FAAH: variants seen among roughly 807,000 people sequenced by gnomAD.
FAAH encodes the protein fatty-acid amide hydrolase 1.
FAAH carries 63 observed loss-of-function variants against 69.7 expected under a neutral mutation model. The ratio of observed to expected loss-of-function variants is 0.90; its 90% CI spans 0.74 to 1.12. The LOEUF is 1.12. FAAH is among the 50% of genes most tolerant of loss of function. The pLI is 0.00. For synonymous variants in FAAH, 305 were observed against 324.2 expected, an observed-to-expected ratio of 0.94 and a Z score of 0.64; for missense variants, 680 against 755.0, an observed-to-expected ratio of 0.90 and a Z score of 1.16.
chr1:46,411,033 C>A lies in FAAH; in HGVS notation c.1316+179C>A, dbSNP rs1664903716. The A allele has an allele frequency of 6.6e-6, 5 of 759,732 alleles. No homozygotes were observed. Among genetic ancestry groups the A allele is most frequent in the South Asian group, 1.5e-5 (1 of 67,726 alleles). The allele number at this position is 759,732 out of a possible 1,614,324, so 47.1% of individuals were successfully genotyped here. A position where few individuals can be genotyped will look rare whatever the true frequency, so the allele number is the denominator to read the frequency against. Reference sequence around the variant, plus strand: ...GACTTTGAAGTTGTCTTGGCAAGGTCCAGTTCTGGCTGGAGAGCAAAGGCC... The same window carrying A: ...GACTTTGAAGTTGTCTTGGCAAGGTACAGTTCTGGCTGGAGAGCAAAGGCC... On this transcript the variant is annotated intron_variant, in intron 11 of 14. Coordinates refer to ENST00000243167, the MANE Select transcript of FAAH (RefSeq NM_001441.3). The surrounding 1 kb of genome is among the most constrained non-coding windows in gnomAD (Gnocchi z 4.8).
rs868370010 is a variant in FAAH, at chr1:46,405,889, G to A, written c.785+95G>A. ...GCTCCAGGCGGGGATTCGGTCTCCG[G>A]GGTTTTGCTGGGAGGAAGCATTACA... On this transcript the variant is annotated intron_variant, in intron 5 of 14. Coordinates refer to ENST00000243167, the MANE Select transcript of FAAH (RefSeq NM_001441.3). The surrounding 1 kb of genome is among the most constrained non-coding windows in gnomAD (Gnocchi z 4.1). 8.7e-6 allele frequency: 14 copies of A among 1,607,006 alleles called. 1 individual carries two copies. In the Middle Eastern group the frequency reaches 2.3e-3, roughly 266 times the overall value.
Position 46,410,612 on chromosome 1 carries a change from C to A in FAAH, c.1275+115C>A, listed in dbSNP as rs1664895257. 1.8e-6 allele frequency: 2 copies of A among 1,102,366 alleles called. No homozygotes were observed. The highest frequency in any genetic ancestry group is 3.5e-5 in the Admixed American group (2 of 57,222). The allele number at this position is 1,102,366 out of a possible 1,614,324, so 68.3% of individuals were successfully genotyped here. A position where few individuals can be genotyped will look rare whatever the true frequency, so the allele number is the denominator to read the frequency against. On this transcript the variant is annotated intron_variant, in intron 10 of 14. Coordinates refer to ENST00000243167, the MANE Select transcript of FAAH (RefSeq NM_001441.3). This position sits in a 1 kb window ranked among gnomAD's most constrained non-coding sequence, Gnocchi z 4.9. ...CTCTTGGTTTGGGCAGGCATGGCCTCCTCTTCTCTCCAGTCCCCACCCAGA... is the reference window on the plus strand; with the variant it reads ...CTCTTGGTTTGGGCAGGCATGGCCTACTCTTCTCTCCAGTCCCCACCCAGA...
intron 2 of FAAH, among the ~76,000 whole-genome samples, chr1:46,402,968 C>T (rs1664730343): frequency 6.6e-6 from 1 of 152,114 alleles, no homozygotes; most frequent in Non-Finnish European, 1.5e-5. Flanking sequence ...GCTGGGGTTA[C>T]AGCTGTGAGC....
At chr1:46,401,916 G>GC (rs939661062) in intron 1 of FAAH, among the ~76,000 whole-genome samples, 175 bp from the exon 2 acceptor site, 3 of 152,166 alleles carry the variant, frequency 2.0e-5, no homozygotes, top group African/African-American at 7.2e-5. Flanking sequence ...AGGTCGGCTC[G>GC]CTGGGCACCC....
In FAAH at chr1:46,410,697, G is replaced by A. The variant is rs760647345; in HGVS notation, c.1276-117G>A. The A allele has an allele frequency of 7.4e-6, 10 of 1,344,100 alleles. No individual in the cohort carries two copies. The highest frequency in any genetic ancestry group is 4.3e-5 in the African/African-American group (3 of 69,606). 83.3% of individuals were successfully genotyped at this position (1,344,100 alleles called of 1,614,324 possible). ...CAACCCGCATGCTGAAAGGGGTGCCGACCTGGGCCCTGGGGGGAGGCATGG... is the reference window on the plus strand; with the variant it reads ...CAACCCGCATGCTGAAAGGGGTGCCAACCTGGGCCCTGGGGGGAGGCATGG... On this transcript the variant is annotated intron_variant, in intron 10 of 14. Transcript: ENST00000243167. This position sits in a 1 kb window ranked among gnomAD's most constrained non-coding sequence, Gnocchi z 4.9.
chr1:46,405,181 T>A lies in FAAH; in HGVS notation c.444+33T>A. On this transcript the variant is annotated intron_variant, in intron 3 of 14. Transcript: ENST00000243167. This position sits in a 1 kb window ranked among gnomAD's most constrained non-coding sequence, Gnocchi z 4.1. Reference sequence around the variant, plus strand: ...CTGCCTCAGCGCCAGGCCTCCATCGTCCCCTCCATCCCTGCCAGCCTGCTC... The same window carrying A: ...CTGCCTCAGCGCCAGGCCTCCATCGACCCCTCCATCCCTGCCAGCCTGCTC... 6.2e-7 allele frequency: 1 copy of A among 1,613,410 alleles called. No homozygotes were observed. The highest frequency in any genetic ancestry group is 8.5e-7 in the Non-Finnish European group (1 of 1,180,044).
At chr1:46,408,766 A>G (rs1191854372) in intron 8 of FAAH, among the ~76,000 whole-genome samples, 182 bp downstream of exon 8, 8 of 152,172 alleles carry the variant, frequency 5.3e-5, no homozygotes, top group Non-Finnish European at 1.2e-4. Context: ...TGAGTGATTG[A>G]TGGAGAACTT....
At position 46,396,008 on chromosome 1, in the gene FAAH, G is replaced by A. The variant is rs955192037; in HGVS notation, c.195+1465G>A. Among the ~76,000 whole-genome samples the A allele has an allele frequency of 3.9e-5, 6 of 152,038 alleles. No homozygotes were observed. In the East Asian group the frequency reaches 9.6e-4, roughly 24 times the overall value. On this transcript the variant is annotated intron_variant, in intron 1 of 14. Transcript: ENST00000243167. ...ACCGCTCAGTATAGGGAGGACCCGCGCCAGCACTGGTCTCTGAGTTCCGTC... is the reference window on the plus strand; with the variant it reads ...ACCGCTCAGTATAGGGAGGACCCGCACCAGCACTGGTCTCTGAGTTCCGTC...
rs1235672795 is a variant in FAAH at position 46,405,968 on chromosome 1, T to C, written c.786-70T>C. 1.1e-5 allele frequency: 18 copies of C among 1,613,426 alleles called. No individual in the cohort carries two copies. The Admixed American group carries it at 3.0e-4, about 27-fold the overall frequency. On this transcript the variant is annotated intron_variant, in intron 5 of 14. Transcript: ENST00000243167. The surrounding 1 kb of genome is among the most constrained non-coding windows in gnomAD (Gnocchi z 4.1). ...TTCCAAAGCGGTGAGTGTTCAGAGC[T>C]GCTCTGTGGGTGTGGGGATGGCGGC...
intron 2 of FAAH, 67 bp downstream of exon 2, chr1:46,402,271 T>G: frequency 1.5e-6 from 2 of 1,297,878 alleles, no homozygotes; most frequent in East Asian, 2.5e-5. Flanking sequence ...CCCCTCCCTT[T>G]CCCCTCCCTC....
At chr1:46,402,053 C>G (rs562782686) in intron 1 of FAAH, 38 bp from the exon 2 acceptor site, 17 of 1,538,924 alleles carry the variant, frequency 1.1e-5, no homozygotes, top group Non-Finnish European at 1.5e-5. Flanking sequence ...CATGAGACTT[C>G]GGCGAGTAGG....
In FAAH at chr1:46,410,346, C is replaced by A; in HGVS notation, c.1176-52C>A. 2 of 1,476,172 alleles carry A rather than the reference C, an allele frequency of 1.4e-6. No individual in the cohort carries two copies. Among genetic ancestry groups the A allele is most frequent in the Non-Finnish European group, 1.9e-6 (2 of 1,054,400 alleles). 91.4% of individuals were successfully genotyped at this position (1,476,172 alleles called of 1,614,324 possible). On this transcript the variant is annotated intron_variant, in intron 9 of 14. Transcript: ENST00000243167. This position sits in a 1 kb window ranked among gnomAD's most constrained non-coding sequence, Gnocchi z 4.9. ...GATTGCTGTGGGCCGGGCGAGCAAG[C>A]TGGGAAGGATGTGGGGATGGGAGTG...
intron 13 of FAAH, 86 bp from the exon 14 acceptor site, chr1:46,412,989 G>A (rs1054531813): frequency 4.0e-6 from 6 of 1,501,814 alleles, no homozygotes; most frequent in Non-Finnish European, 5.5e-6. Flanking sequence ...GACACAGGGT[G>A]CCATTTCATA....
At chr1:46,413,384 C>T in intron 14 of FAAH, 63 bp from the exon 15 acceptor site, 1 of 1,612,944 alleles carries the variant, frequency 6.2e-7, no homozygotes, top group Non-Finnish European at 8.5e-7. Context: ...TGGGTGCTTC[C>T]TGGGCCTGGG....
At chr1:46,406,162 G>A in intron 6 of FAAH, 82 bp from the exon 7 acceptor site, 2 of 1,613,824 alleles carry the variant, frequency 1.2e-6, no homozygotes, top group East Asian at 2.2e-5. Context: ...AGGTGGCAGG[G>A]CAGTGTCTGG....
In FAAH at chr1:46,410,836, TC is replaced by T; in HGVS notation, c.1299del (p.Ser434AlafsTer3). 6.2e-7 allele frequency: 1 copy of T among 1,614,082 alleles called. No individual in the cohort carries two copies. The highest frequency in any genetic ancestry group is 8.5e-7 in the Non-Finnish European group (1 of 1,180,002). Reference protein sequence around the residue: ...KPLLPRLSAFLSNMKSRSAGK... With the variant: ...KPLLPRLSAFXSNMKSRSAGK... The stretch of plus-strand genomic sequence containing the variant: ...CAGCTGCCAAGGCTGTCAGCTTTCC[TC>T]AGCAACATGAAGTCTCGGTAAGGGT... On this transcript the variant is annotated frameshift_variant, in exon 11 of 15. Transcript: ENST00000243167. LOFTEE classifies it high-confidence loss of function. This position sits in a 1 kb window ranked among gnomAD's most constrained non-coding sequence, Gnocchi z 4.9.
intron 1 of FAAH, among the ~76,000 whole-genome samples, chr1:46,398,992 C>G (rs1419901934): frequency 1.0e-5 from 1 of 100,186 alleles, no homozygotes; most frequent in Non-Finnish European, 2.4e-5. Context: ...TTTTTTCCCA[C>G]CCTGCCCCCT....
rs1405241435 is a variant in FAAH at position 46,410,809 on chromosome 1, T to G, written c.1276-5T>G. 1.9e-6 allele frequency: 3 copies of G among 1,614,190 alleles called. No homozygotes were observed. In the Admixed American group the frequency reaches 5.0e-5, roughly 27 times the overall value. On this transcript the variant is annotated splice_region_variant and splice_polypyrimidine_tract_variant and intron_variant, in intron 10 of 14. Coordinates refer to ENST00000243167, the MANE Select transcript of FAAH (RefSeq NM_001441.3). This position sits in a 1 kb window ranked among gnomAD's most constrained non-coding sequence, Gnocchi z 4.9. Reference sequence around the variant, plus strand: ...AGTCACCGACCCTGCGTCTGTCCTGTGCAGCTGCCAAGGCTGTCAGCTTTC... The same window carrying G: ...AGTCACCGACCCTGCGTCTGTCCTGGGCAGCTGCCAAGGCTGTCAGCTTTC...
At chr1:46,402,256 G>C (rs752219648) in intron 2 of FAAH, 52 bp downstream of exon 2, 1 of 1,435,820 alleles carries the variant, frequency 7.0e-7, no homozygotes, top group South Asian at 1.2e-5. Flanking sequence ...GCCAGCCAAG[G>C]CCAGCCCCTC....
Sources: gnomAD v4.1 joint callset for allele counts (sites outside exome capture counted in the v4.1 genomes callset) on GRCh38, gnomAD v4.1.1 for gene constraint, Gnocchi (gnomAD v3.1) non-coding constraint, MANE v1.5 for transcripts, NCBI Gene and HGNC (gene_info 2026-07-23, HGNC 2026-07-21) for gene names.